MYOM2: variants seen among roughly 807,000 people sequenced by gnomAD.
MYOM2 encodes the protein myomesin-2.
A neutral mutation model predicts 187.6 loss-of-function variants in MYOM2; 254 were observed. The observed-to-expected ratio is 1.35, with a 90% CI of 1.22 to 1.50. The LOEUF (loss-of-function observed/expected upper bound fraction) is 1.50. Ranked by LOEUF, MYOM2 falls within the 40% of genes most tolerant of loss-of-function variation. The pLI is 0.00. For missense variants in MYOM2, 2,796 were observed against 1,924.0 expected, an observed-to-expected ratio of 1.45 and a Z score of -8.48; for synonymous variants, 981 against 753.8, an observed-to-expected ratio of 1.30 and a Z score of -4.94.
At chr8:2,067,650 A>C (rs1819061310) in intron 6 of MYOM2, among the ~76,000 whole-genome samples, 1 of 152,166 alleles carries the variant, frequency 6.6e-6, no homozygotes, top group African/African-American at 2.4e-5. Context: ...ACAGCCAAGA[A>C]GAGAAGTTTT....
intron 6 of MYOM2, among the ~76,000 whole-genome samples, chr8:2,068,319 C>T (rs1049765064): frequency 6.7e-6 from 1 of 149,424 alleles, no homozygotes; most frequent in African/African-American, 2.5e-5. Flanking sequence ...CCTGTGTGTA[C>T]CAGGCGGAGA....
chr8:2,093,935 C>G, intron 16 of MYOM2, 35 bp from the exon 17 acceptor site: 1 of 1,599,626 alleles, frequency 6.3e-7, no homozygotes, highest in Admixed American at 1.7e-5. Context: ...AAAGTGGAGC[C>G]TGGCAGTTCT....
At chr8:2,129,575 T>C (rs1453026858) in intron 32 of MYOM2, among the ~76,000 whole-genome samples, 1 of 152,132 alleles carries the variant, frequency 6.6e-6, no homozygotes, top group Non-Finnish European at 1.5e-5. Context: ...GAAACCAGAC[T>C]CCAAATTTCC....
At chr8:2,099,114 C>A in intron 19 of MYOM2, 131 bp downstream of exon 19, 1 of 1,221,358 alleles carries the variant, frequency 8.2e-7, no homozygotes, top group Non-Finnish European at 1.1e-6. Flanking sequence ...AGCCGCAGAG[C>A]CACCGTGCGC....
chr8:2,116,974 A>G (rs1349508519), intron 27 of MYOM2, among the ~76,000 whole-genome samples: 4 of 152,136 alleles, frequency 2.6e-5, no homozygotes, highest in African/African-American at 9.7e-5. Flanking sequence ...CGTGTTAACC[A>G]GGATGGTCTC....
rs765925614 is a variant in MYOM2, at chr8:2,092,404, G to T, written c.1887G>T (p.Val629=). ...LASRNTKTSV[V]VQWDRPKHEE... is the part of the protein sequence containing the mutation. Reference sequence around the variant, plus strand: ...CCCGAAACACCAAGACGTCGGTGGTGGTGCAGTGGGACCGACCTAAGCATG... The same window carrying T: ...CCCGAAACACCAAGACGTCGGTGGTTGTGCAGTGGGACCGACCTAAGCATG... Residue 629 remains valine (V), a synonymous_variant, in exon 16 of 37, where the codon GTG becomes GTT. Transcript: ENST00000262113. 14 of 1,614,002 alleles carry T rather than the reference G, an allele frequency of 8.7e-6. No individual in the cohort carries two copies. The Admixed American group carries it at 1.0e-4, about 12-fold the overall frequency.
intron 6 of MYOM2, among the ~76,000 whole-genome samples, chr8:2,069,031 A>G (rs1377501278): frequency 1.3e-5 from 2 of 152,200 alleles, no homozygotes; most frequent in Admixed American, 6.5e-5. Context: ...GAGTGCCAGT[A>G]CCTTTTTATT....
At chr8:2,070,350 C>A (rs1161824268) in intron 8 of MYOM2, among the ~76,000 whole-genome samples, 1 of 152,198 alleles carries the variant, frequency 6.6e-6, no homozygotes, top group Non-Finnish European at 1.5e-5. Flanking sequence ...GGTGGAGCCT[C>A]CTGGCAGCTG....
chr8:2,047,053 G>C (rs570531283), intron 1 of MYOM2, among the ~76,000 whole-genome samples: 7 of 152,314 alleles, frequency 4.6e-5, no homozygotes, highest in African/African-American at 1.7e-4. Flanking sequence ...TGCTCAACCA[G>C]TAAGTATAAA....
In MYOM2 at chr8:2,144,821, C is replaced by G. The variant is rs371261039; in HGVS notation, c.4238C>G (p.Ser1413Trp). The G allele has an allele frequency of 3.1e-6, 5 of 1,614,040 alleles. No homozygotes were observed. Among genetic ancestry groups the G allele is most frequent in the Non-Finnish European group, 4.2e-6 (5 of 1,180,036 alleles). ...MTIKGVTSEDSGKYSINIKNK... is the reference protein window; with the variant it reads ...MTIKGVTSEDWGKYSINIKNK... ...ATCAAAGGCGTGACCTCCGAGGACT[C>G]GGGCAAGTACAGCATCAACATCAAG... The change falls in exon 37 of 37, where the codon TCG becomes TGG. Residue 1413 changes from serine (S) to tryptophan (W), a missense_variant. Physicochemically the swap from Ser to Trp is radical, Grantham distance 177. Coordinates refer to ENST00000262113, the MANE Select transcript of MYOM2 (RefSeq NM_003970.4).
Position 2,137,644 on chromosome 8 carries a change from C to A in MYOM2, c.3801-3079C>A, listed in dbSNP as rs188291369. 4.7e-3 allele frequency among the ~76,000 whole-genome samples: 710 copies of A among 152,136 alleles called. 12 individuals carry two copies. Among genetic ancestry groups the A allele is most frequent in the East Asian group, 0.045 (231 of 5,174 alleles). On this transcript the variant is annotated intron_variant, in intron 32 of 36. Coordinates refer to ENST00000262113, the MANE Select transcript of MYOM2 (RefSeq NM_003970.4). ...AGAGAGGGTGACAAGATGACTAAGG[C>A]CTATCAGTGTTGGCAAAACAAGTTT... is the stretch of plus-strand genomic sequence containing the variant.
Position 2,079,067 on chromosome 8 carries a change from G to A in MYOM2, c.1462+134G>A, listed in dbSNP as rs1368149206. The A allele has an allele frequency of 3.8e-6, 3 of 790,896 alleles. 1 individual carries two copies. The highest frequency in any genetic ancestry group is 6.1e-6 in the Non-Finnish European group (3 of 490,522). 49.0% of individuals were successfully genotyped at this position (790,896 alleles called of 1,614,324 possible). A position where few individuals can be genotyped will look rare whatever the true frequency, so the allele number is the denominator to read the frequency against. ...CTGTGTGCAGAGCATAGCACAGGCT[G>A]TTACAACGTTCTCTGACATCTCCAC... On this transcript the variant is annotated intron_variant, in intron 12 of 36. Coordinates refer to ENST00000262113, the MANE Select transcript of MYOM2 (RefSeq NM_003970.4).
chr8:2,055,677 G>A (rs566062689), intron 3 of MYOM2, among the ~76,000 whole-genome samples: 1 of 152,160 alleles, frequency 6.6e-6, no homozygotes, highest in Non-Finnish European at 1.5e-5. Flanking sequence ...CCTAACACCA[G>A]GCCTTAGTCT....
chr8:2,058,133 C>G (rs1477423167), intron 5 of MYOM2, among the ~76,000 whole-genome samples: 1 of 150,114 alleles, frequency 6.7e-6, no homozygotes, highest in Non-Finnish European at 1.5e-5. Context: ...ATTCTCCTGC[C>G]TCAGCCTCCT....
chr8:2,116,735 C>T (rs946989636), intron 27 of MYOM2, among the ~76,000 whole-genome samples: 10 of 152,152 alleles, frequency 6.6e-5, no homozygotes, highest in African/African-American at 2.2e-4. Context: ...GATTCTCAAA[C>T]ATACCCCAAG....
At chr8:2,141,227 C>G (rs79459994) in intron 34 of MYOM2, 50 bp downstream of exon 34, 44,145 of 1,551,452 alleles carry the variant, frequency 0.028, 732 homozygotes, top group Non-Finnish European at 0.032. Context: ...CAGTTGAGTC[C>G]CAGTCGTTTT....
intron 6 of MYOM2, among the ~76,000 whole-genome samples, chr8:2,059,766 G>A (rs1180705822): frequency 2.3e-5 from 3 of 132,768 alleles, no homozygotes; most frequent in African/African-American, 8.5e-5. Flanking sequence ...TTTTGAGGCA[G>A]AGTTTCGCTC....
rs1021289330 is a variant in MYOM2 at position 2,091,045 on chromosome 8, G to C, written c.1828+854G>C. 7.8e-5 allele frequency among the ~76,000 whole-genome samples: 4 copies of C among 51,558 alleles called. No individual in the cohort carries two copies. In the Admixed American group the frequency reaches 1.3e-3, roughly 16 times the overall value. The allele number at this position is 51,558 out of a possible 152,430, so 33.8% of individuals were successfully genotyped here. A position where few individuals can be genotyped will look rare whatever the true frequency, so the allele number is the denominator to read the frequency against. ...TTTTTTTTTTTTTTTTTGGCTCTTT[G>C]AGGAATCATGACACTACTTTCCACA... On this transcript the variant is annotated intron_variant, in intron 15 of 36. Coordinates refer to ENST00000262113, the MANE Select transcript of MYOM2 (RefSeq NM_003970.4).
At chr8:2,076,303 C>T (rs374521038) in intron 11 of MYOM2, 21 bp downstream of exon 11, 39 of 1,611,360 alleles carry the variant, frequency 2.4e-5, no homozygotes, top group African/African-American at 1.1e-4. Context: ...TGCATTCTCC[C>T]GGGGATGGGA....
Sources: allele counts gnomAD v4.1 joint callset (sites outside exome capture counted in the v4.1 genomes callset), GRCh38; gene constraint gnomAD v4.1.1; transcripts MANE v1.5; gene names NCBI Gene and HGNC (gene_info 2026-07-23, HGNC 2026-07-21).